PPARA: variants seen among roughly 807,000 people sequenced by gnomAD.
PPARA encodes the protein peroxisome proliferator-activated receptor alpha.
PPARA carries 22 observed loss-of-function variants against 42.2 expected under a neutral mutation model. The observed-to-expected ratio is 0.52, with a 90% CI of 0.37 to 0.74. PPARA has a LOEUF of 0.74. Ranked by LOEUF, PPARA falls within the 30% of genes least tolerant of loss-of-function variation. PPARA has a pLI of 0.00. For synonymous variants in PPARA, 242 were observed against 239.3 expected (o/e 1.01, Z -0.10); for missense variants, 465 against 608.2 (o/e 0.76, Z 2.48).
At chr22:46,208,899 C>T (rs560022952) in intron 4 of PPARA, among the ~76,000 whole-genome samples, 2 of 148,710 alleles carry the variant, frequency 1.3e-5, no homozygotes, top group Admixed American at 6.7e-5. Flanking sequence ...GAATAGTATT[C>T]GTGTGTGTGT....
chr22:46,197,866 T>A (rs1413015529), intron 3 of PPARA, among the ~76,000 whole-genome samples: 1 of 151,148 alleles, frequency 6.6e-6, no homozygotes, highest in Non-Finnish European at 1.5e-5. Context: ...ATCGCACCAC[T>A]GTACTCCAGC....
intron 2 of PPARA, among the ~76,000 whole-genome samples, chr22:46,169,279 G>A (rs1238131817): frequency 1.3e-5 from 2 of 151,964 alleles, no homozygotes; most frequent in South Asian, 2.1e-4. Flanking sequence ...GTTTTGTGAC[G>A]GAGGGGGTGC....
At position 46,180,281 on chromosome 22, in the gene PPARA, A is replaced by G. The variant is rs537813438; in HGVS notation, c.-43+3445A>G. Among the ~76,000 whole-genome samples, 6 of 151,962 alleles carry G rather than the reference A, an allele frequency of 3.9e-5. No homozygotes were observed. The highest frequency in any genetic ancestry group is 1.9e-4 in the East Asian group (1 of 5,172). ...AGCTCACTGCAACCTCTGCCTCCCA[A>G]TGAATTAGAAAAATAATAATAAAGG... On this transcript the variant is annotated intron_variant, in intron 3 of 8. Transcript: ENST00000407236. This position sits in a 1 kb window ranked among gnomAD's most constrained non-coding sequence, Gnocchi z 4.2.
At position 46,232,401 on chromosome 22, in the gene PPARA, G is replaced by A. The variant is rs1162520791; in HGVS notation, c.1159+162G>A. Among the ~76,000 whole-genome samples, 3 of 151,904 alleles carry A rather than the reference G, an allele frequency of 2.0e-5. No homozygotes were observed. Among genetic ancestry groups the A allele is most frequent in the Non-Finnish European group, 4.4e-5 (3 of 67,982 alleles). ...CCCCAGTCACTGCTGAGAATTCAGT[G>A]GGAATTATAACAATATTGTATAATA... On this transcript the variant is annotated intron_variant, in intron 8 of 8. Transcript: ENST00000407236. The surrounding 1 kb of genome is among the most constrained non-coding windows in gnomAD (Gnocchi z 5.3).
In PPARA at chr22:46,192,619, A is replaced by G. The variant is rs2147339120; in HGVS notation, c.-42-5723A>G. ...TCTCAGTAGTTTGAGCTTATGATATACAAGATGCAGCTCTAACATTTAAAT... is the reference window on the plus strand; with the variant it reads ...TCTCAGTAGTTTGAGCTTATGATATGCAAGATGCAGCTCTAACATTTAAAT... On this transcript the variant is annotated intron_variant, in intron 3 of 8. Transcript: ENST00000407236. The surrounding 1 kb of genome is among the most constrained non-coding windows in gnomAD (Gnocchi z 4.3). Among the ~76,000 whole-genome samples the G allele has an allele frequency of 6.6e-6, 1 of 152,360 alleles. No individual in the cohort carries two copies. Among genetic ancestry groups the G allele is most frequent in the East Asian group, 1.9e-4 (1 of 5,194 alleles).
chr22:46,182,613 G>A lies in PPARA; in HGVS notation c.-43+5777G>A, dbSNP rs117213116. On this transcript the variant is annotated intron_variant, in intron 3 of 8. Transcript: ENST00000407236. The surrounding 1 kb of genome is among the most constrained non-coding windows in gnomAD (Gnocchi z 5.2). ...AGAGCTTTGAGGATGATGGGTCTGC[G>A]TACTGTCTCGGCTATGATAGTGGTT... Among the ~76,000 whole-genome samples the A allele has an allele frequency of 1.3e-3, 196 of 152,270 alleles. 2 individuals are homozygous for A. The East Asian group carries it at 0.031, about 24-fold the overall frequency.
rs1934041668 is a variant in PPARA at position 46,212,541 on chromosome 22, T to C, written c.209-2632T>C. On this transcript the variant is annotated intron_variant, in intron 4 of 8. Coordinates refer to ENST00000407236, the MANE Select transcript of PPARA (RefSeq NM_005036.6). The surrounding 1 kb of genome is among the most constrained non-coding windows in gnomAD (Gnocchi z 4.2). ...TAGTATGTAGCCTTTTCAGACTGAC[T>C]TCTTTCATAGCAATATGCATTTAAG... 6.6e-6 allele frequency among the ~76,000 whole-genome samples: 1 copy of C among 152,238 alleles called. No individual in the cohort carries two copies. The highest frequency in any genetic ancestry group is 2.4e-5 in the African/African-American group (1 of 41,476).
At position 46,215,853 on chromosome 22, in the gene PPARA, G is replaced by A. The variant is rs4253739; in HGVS notation, c.369+520G>A. ...GAGCGTAAGCCCTGTTGTGAACTGC[G>A]TATTTGAGGAATCTAGCTTGTACGC... is the stretch of plus-strand genomic sequence containing the variant. On this transcript the variant is annotated intron_variant, in intron 5 of 8. Coordinates refer to ENST00000407236, the MANE Select transcript of PPARA (RefSeq NM_005036.6). 3.7e-3 allele frequency among the ~76,000 whole-genome samples: 567 copies of A among 152,276 alleles called. 3 individuals are homozygous for A. The highest frequency in any genetic ancestry group is 0.012 in the African/African-American group (517 of 41,552).
Position 46,192,073 on chromosome 22 carries a change from A to T in PPARA, c.-42-6269A>T, listed in dbSNP as rs1305897054. On this transcript the variant is annotated intron_variant, in intron 3 of 8. Coordinates refer to ENST00000407236, the MANE Select transcript of PPARA (RefSeq NM_005036.6). The surrounding 1 kb of genome is among the most constrained non-coding windows in gnomAD (Gnocchi z 4.3). ...AGTGAGACTCCATCTCAAAAAAAAG[A>T]GAAAGAAAGAAATAGACATTGAACA... Among the ~76,000 whole-genome samples, 1 of 152,238 alleles carries T rather than the reference A, an allele frequency of 6.6e-6. No individual in the cohort carries two copies. The highest frequency in any genetic ancestry group is 2.4e-5 in the African/African-American group (1 of 41,464).
chr22:46,240,350 T>C lies in PPARA; in HGVS notation c.*4970T>C, dbSNP rs192371097. On this transcript the variant is annotated 3_prime_UTR_variant, in exon 9 of 9. Coordinates refer to ENST00000407236, the MANE Select transcript of PPARA (RefSeq NM_005036.6). This position sits in a 1 kb window ranked among gnomAD's most constrained non-coding sequence, Gnocchi z 6.0. ...CCGCTGGTCCCCAGGCACGGTGCACTTTCTCCACCTCCTGCAGCCTCCCTG... is the reference window on the plus strand; with the variant it reads ...CCGCTGGTCCCCAGGCACGGTGCACCTTCTCCACCTCCTGCAGCCTCCCTG... 29 of 397,432 alleles carry C rather than the reference T, an allele frequency of 7.3e-5. No individual in the cohort carries two copies. Among genetic ancestry groups the C allele is most frequent in the African/African-American group, 4.9e-4 (24 of 48,732 alleles). The allele number at this position is 397,432 out of a possible 1,614,324, so 24.6% of individuals were successfully genotyped here.
chr22:46,157,462 A>T (rs1471349378), intron 2 of PPARA, among the ~76,000 whole-genome samples: 1 of 152,206 alleles, frequency 6.6e-6, no homozygotes, highest in African/African-American at 2.4e-5. Flanking sequence ...TGTAGGGAGC[A>T]GGTGTTTCCT....
intron 4 of PPARA, 88 bp from the exon 5 acceptor site, chr22:46,215,085 G>C (rs1017447957): frequency 1.3e-6 from 2 of 1,520,542 alleles, no homozygotes; most frequent in Non-Finnish European, 1.8e-6. Context: ...TAGAAGCCTC[G>C]TATGCGAAAT....
chr22:46,213,488 A>G (rs571481634), intron 4 of PPARA, among the ~76,000 whole-genome samples: 6 of 148,512 alleles, frequency 4.0e-5, no homozygotes, highest in African/African-American at 1.5e-4. Context: ...GCTCACTACA[A>G]CCTTTGCCTC....
intron 6 of PPARA, 43 bp downstream of exon 6, chr22:46,218,444 G>C (rs765696783): frequency 1.2e-6 from 2 of 1,612,952 alleles, no homozygotes; most frequent in Non-Finnish European, 1.7e-6. Flanking sequence ...TCGTTCCTCA[G>C]TTCCCCTTCC....
At position 46,167,276 on chromosome 22, in the gene PPARA, CATATT is replaced by C. The variant is rs768440127; in HGVS notation, c.-126-9469_-126-9465del. Among the ~76,000 whole-genome samples, 23 of 150,804 alleles carry C rather than the reference CATATT, an allele frequency of 1.5e-4. No individual in the cohort carries two copies. In the South Asian group the frequency reaches 2.3e-3, roughly 15 times the overall value. ...TGTAATAATAGTATATATCATGTTA[CATATT>C]ATATTATGTAATATATATTATATGA... On this transcript the variant is annotated intron_variant, in intron 2 of 8. Coordinates refer to ENST00000407236, the MANE Select transcript of PPARA (RefSeq NM_005036.6). This position sits in a 1 kb window ranked among gnomAD's most constrained non-coding sequence, Gnocchi z 4.1.
chr22:46,198,399 A>AGCCCACTCT lies in PPARA; in HGVS notation c.21_29dup (p.Cys9_Leu11dup). 6.2e-7 allele frequency: 1 copy of AGCCCACTCT among 1,613,876 alleles called. No individual in the cohort carries two copies. The highest frequency in any genetic ancestry group is 1.7e-4 in the Middle Eastern group (1 of 6,054). ...TCTGGTCGCGATGGTGGACACGGAA[A>AGCCCACTCT]GCCCACTCTGCCCCCTCTCCCCACT... On this transcript the variant is annotated inframe_insertion, in exon 4 of 9. Transcript: ENST00000407236.
rs1003798734 is a variant in PPARA, at chr22:46,190,690, C to T, written c.-42-7652C>T. ...ACCTGGGCCCGGGAGATCAAGGCTG[C>T]GGTGAGCCATGATCTTGCCATTGCA... On this transcript the variant is annotated intron_variant, in intron 3 of 8. Transcript: ENST00000407236. This position sits in a 1 kb window ranked among gnomAD's most constrained non-coding sequence, Gnocchi z 5.6. Among the ~76,000 whole-genome samples, 3 of 152,060 alleles carry T rather than the reference C, an allele frequency of 2.0e-5. No homozygotes were observed. Among genetic ancestry groups the T allele is most frequent in the Admixed American group, 6.6e-5 (1 of 15,260 alleles).
rs761929334 is a variant in PPARA, at chr22:46,211,768, C to T, written c.209-3405C>T. Among the ~76,000 whole-genome samples the T allele has an allele frequency of 1.3e-5, 2 of 151,488 alleles. No individual in the cohort carries two copies. The highest frequency in any genetic ancestry group is 2.9e-5 in the Non-Finnish European group (2 of 67,854). ...TGGCACAATCTCGGCTCACTACAAC[C>T]TCCGTCTCCTGGGTTCAAGCCATTC... is the stretch of plus-strand genomic sequence containing the variant. On this transcript the variant is annotated intron_variant, in intron 4 of 8. Transcript: ENST00000407236. The surrounding 1 kb of genome is among the most constrained non-coding windows in gnomAD (Gnocchi z 4.1).
intron 4 of PPARA, among the ~76,000 whole-genome samples, chr22:46,210,893 T>C (rs2147503840): frequency 6.6e-6 from 1 of 152,342 alleles, no homozygotes; most frequent in Middle Eastern, 3.4e-3. Flanking sequence ...CTCAGCTTCA[T>C]TAGATGGGAC....
Sources: gnomAD v4.1 joint callset for allele counts (sites outside exome capture counted in the v4.1 genomes callset) on GRCh38, gnomAD v4.1.1 for gene constraint, Gnocchi (gnomAD v3.1) non-coding constraint, MANE v1.5 for transcripts, NCBI Gene and HGNC (gene_info 2026-07-23, HGNC 2026-07-21) for gene names.